The following CNTN4 variants were observed in gnomAD, a reference collection of about 807,000 sequenced individuals.
The protein encoded by CNTN4 is contactin 4, also known as contactin-4.
A neutral mutation model predicts 122.5 loss-of-function variants in CNTN4; 77 were observed. That is an observed-to-expected ratio of 0.63 (90% CI 0.52 to 0.76). The LOEUF (loss-of-function observed/expected upper bound fraction) is 0.76. Ranked by LOEUF, CNTN4 falls within the 30% of genes least tolerant of loss-of-function variation. CNTN4 has a pLI of 0.00. For synonymous variants in CNTN4, 512 were observed against 447.0 expected (o/e 1.15, Z -1.83); for missense variants, 1,256 against 1,259.1 (o/e 1.00, Z 0.04).
intron 4 of CNTN4, among the ~76,000 whole-genome samples, chr3:2,669,783 G>A (rs1192602596): frequency 1.3e-5 from 2 of 152,114 alleles, no homozygotes; most frequent in Non-Finnish European, 2.9e-5. Flanking sequence ...AGAGATTCTG[G>A]TATGTTGTGT....
At position 2,385,065 on chromosome 3, in the gene CNTN4, T is replaced by G. The variant is rs557211912; in HGVS notation, c.-89+45832T>G. Among the ~76,000 whole-genome samples, 52 of 152,302 alleles carry G rather than the reference T, an allele frequency of 3.4e-4. No individual in the cohort carries two copies. In the South Asian group the frequency reaches 5.6e-3, roughly 16 times the overall value. On this transcript the variant is annotated intron_variant, in intron 3 of 24. Transcript: ENST00000418658. This position sits in a 1 kb window ranked among gnomAD's most constrained non-coding sequence, Gnocchi z 4.0. ...TACTCTTCCTTCCTAACTGGTCTAT[T>G]CTGGTATTACCCAGAACAAATAAAT...
intron 3 of CNTN4, among the ~76,000 whole-genome samples, chr3:2,396,043 ATTT>A (rs555592251): frequency 3.6e-5 from 5 of 140,338 alleles, no homozygotes; most frequent in Admixed American, 7.2e-5. Flanking sequence ...TGTTGTTGTT[ATTT>A]TTTTTTTTTT....
chr3:2,489,395 TA>T (rs1198905784), intron 3 of CNTN4, among the ~76,000 whole-genome samples: 2 of 152,182 alleles, frequency 1.3e-5, no homozygotes, highest in Non-Finnish European at 1.5e-5. Context: ...AAGGCTGGGC[TA>T]AAGGAAAGAA....
At chr3:2,580,700 A>T (rs2079895721) in intron 4 of CNTN4, among the ~76,000 whole-genome samples, 1 of 152,218 alleles carries the variant, frequency 6.6e-6, no homozygotes, top group Admixed American at 6.5e-5. Context: ...CAGTCTATTT[A>T]AGAAGGCTGT....
intron 2 of CNTN4, among the ~76,000 whole-genome samples, chr3:2,314,175 A>G (rs567151817): frequency 6.6e-6 from 1 of 152,090 alleles, no homozygotes; most frequent in South Asian, 2.1e-4. Context: ...CAGAAGCCAT[A>G]ATAATTTGCC....
intron 8 of CNTN4, among the ~76,000 whole-genome samples, chr3:2,873,721 A>C (rs1230913350): frequency 1.3e-5 from 2 of 152,186 alleles, no homozygotes; most frequent in Non-Finnish European, 2.9e-5. Context: ...TAGGCCACTT[A>C]ATTAACCTAG....
intron 2 of CNTN4, among the ~76,000 whole-genome samples, chr3:2,283,571 G>A (rs561289648): frequency 3.9e-5 from 6 of 152,242 alleles, no homozygotes; most frequent in Admixed American, 6.5e-5. Context: ...TAAACTGGAA[G>A]TAAAGAGGGA....
At chr3:2,386,960 C>T (rs1341566866) in intron 3 of CNTN4, among the ~76,000 whole-genome samples, 1 of 152,146 alleles carries the variant, frequency 6.6e-6, no homozygotes, top group Non-Finnish European at 1.5e-5. Context: ...CTGTTTCTCT[C>T]CATCTGTTGG....
intron 2 of CNTN4, among the ~76,000 whole-genome samples, chr3:2,213,574 A>C (rs2038711211): frequency 6.6e-6 from 1 of 152,180 alleles, no homozygotes; most frequent in South Asian, 2.1e-4. Context: ...TATAAACTCA[A>C]GTTGCCAGAG....
intron 2 of CNTN4, among the ~76,000 whole-genome samples, chr3:2,296,284 A>G (rs908591609): frequency 1.3e-5 from 2 of 152,134 alleles, no homozygotes; most frequent in Non-Finnish European, 2.9e-5. Flanking sequence ...GGCCATTTTC[A>G]TGATATTGAT....
chr3:2,116,835 T>C (rs896355338), intron 2 of CNTN4, among the ~76,000 whole-genome samples: 1 of 152,126 alleles, frequency 6.6e-6, no homozygotes, highest in Non-Finnish European at 1.5e-5. Flanking sequence ...GGCTCCTCCT[T>C]AGAATAATCC....
chr3:2,182,103 G>A (rs1280766644), intron 2 of CNTN4, among the ~76,000 whole-genome samples: 1 of 152,056 alleles, frequency 6.6e-6, no homozygotes, highest in African/African-American at 2.4e-5. Flanking sequence ...ATGTTAACAC[G>A]TACATTGCAA....
At chr3:2,523,550 A>C (rs1229182314) in intron 3 of CNTN4, among the ~76,000 whole-genome samples, 1 of 151,964 alleles carries the variant, frequency 6.6e-6, no homozygotes. Context: ...ATCTTTTCTG[A>C]AAGATTTATG....
chr3:2,590,927 G>A (rs575078383), intron 4 of CNTN4, among the ~76,000 whole-genome samples: 1 of 151,872 alleles, frequency 6.6e-6, no homozygotes, highest in African/African-American at 2.4e-5. Flanking sequence ...TAAAAATTAA[G>A]GTATACACTT....
chr3:3,039,711 G>A (rs1019134664), intron 19 of CNTN4: 55 of 360,922 alleles, frequency 1.5e-4, no homozygotes, highest in South Asian at 1.2e-3. Context: ...TAGAGGATAC[G>A]TGTTGGAAAT....
chr3:2,113,883 A>G (rs2033149999), intron 2 of CNTN4, among the ~76,000 whole-genome samples: 1 of 152,196 alleles, frequency 6.6e-6, no homozygotes, highest in Non-Finnish European at 1.5e-5. Flanking sequence ...CGAGAACCCC[A>G]AGTATCACAT....
At chr3:2,677,129 T>TTAGATAGATAGATAGATAGATAGA (rs71621501) in intron 4 of CNTN4, among the ~76,000 whole-genome samples, 3 of 143,166 alleles carry the variant, frequency 2.1e-5, no homozygotes, top group African/African-American at 5.2e-5. Flanking sequence ...GATCACTCTT[T>TTAGATAGATAGATAGATAGATAGA]TAGATAGATA....
intron 3 of CNTN4, among the ~76,000 whole-genome samples, chr3:2,410,664 G>T (rs1283476729): frequency 1.3e-5 from 2 of 152,154 alleles, no homozygotes; most frequent in African/African-American, 4.8e-5. Flanking sequence ...GGGTTCTGAA[G>T]AATGTATCAG....
chr3:2,493,965 G>A (rs1422207820), intron 3 of CNTN4, among the ~76,000 whole-genome samples: 4 of 152,016 alleles, frequency 2.6e-5, no homozygotes, highest in African/African-American at 9.7e-5. Context: ...TGAGATAGAA[G>A]AAGCCTAAAT....
Sources: gnomAD v4.1 joint callset for allele counts (sites outside exome capture counted in the v4.1 genomes callset) on GRCh38, gnomAD v4.1.1 for gene constraint, Gnocchi (gnomAD v3.1) non-coding constraint, MANE v1.5 for transcripts, NCBI Gene and HGNC (gene_info 2026-07-23, HGNC 2026-07-21) for gene names.